NAALADL2: variants seen among roughly 807,000 people sequenced by gnomAD.
NAALADL2 encodes N-acetylated alpha-linked acidic dipeptidase like 2, also known as inactive N-acetylated-alpha-linked acidic dipeptidase-like protein 2.
Under a neutral mutation model 87.2 loss-of-function variants are expected in NAALADL2, and 76 were observed. The ratio of observed to expected loss-of-function variants is 0.87; its 90% CI spans 0.72 to 1.05. The LOEUF (loss-of-function observed/expected upper bound fraction) is 1.05. Among genes scored for constraint, NAALADL2 ranks in the 50% least tolerant of loss-of-function variants. The probability of loss-of-function intolerance (pLI) is 0.00; values close to 1 mark genes in which losing one functional copy is unlikely to be tolerated. For missense variants in NAALADL2, 1,089 were observed against 945.8 expected (o/e 1.15, Z -1.99); for synonymous variants, 354 against 331.0 (o/e 1.07, Z -0.75).
intron 3 of NAALADL2, among the ~76,000 whole-genome samples, chr3:174,809,958 C>T (rs560109257): frequency 6.6e-6 from 1 of 152,080 alleles, no homozygotes; most frequent in African/African-American, 2.4e-5. Context: ...GCACCTCCCC[C>T]CTCTCTTGGT....
chr3:175,571,873 A>G (rs574341318), intron 9 of NAALADL2, among the ~76,000 whole-genome samples: 1 of 152,306 alleles, frequency 6.6e-6, no homozygotes, highest in South Asian at 2.1e-4. Flanking sequence ...CTGACTTTTT[A>G]ACTTTGAAGC....
At chr3:175,219,990 A>G (rs1743111611) in intron 2 of NAALADL2, among the ~76,000 whole-genome samples, 1 of 151,048 alleles carries the variant, frequency 6.6e-6, no homozygotes, top group African/African-American at 2.4e-5. Flanking sequence ...TCTTTTCCAA[A>G]CTTAGGGAAA....
rs77048497 is a variant in NAALADL2, at chr3:175,500,148, G to A, written c.1653+28390G>A. Among the ~76,000 whole-genome samples, 18 of 152,028 alleles carry A rather than the reference G, an allele frequency of 1.2e-4. No homozygotes were observed. The East Asian group carries it at 2.9e-3, about 25-fold the overall frequency. On this transcript the variant is annotated intron_variant, in intron 9 of 13. Transcript: ENST00000454872. The stretch of plus-strand genomic sequence containing the variant: ...ACAAAGAGAATTATTCTACCTCCTA[G>A]AATCATTATCCTTTAGAAATAAGAT...
intron 2 of NAALADL2, among the ~76,000 whole-genome samples, chr3:175,194,612 A>G (rs561839507): frequency 6.6e-6 from 1 of 151,972 alleles, no homozygotes; most frequent in African/African-American, 2.4e-5. Flanking sequence ...TTATTGGGTC[A>G]ACTTTTATAG....
chr3:174,970,321 G>T (rs755829759), intron 1 of NAALADL2, among the ~76,000 whole-genome samples: 1 of 152,112 alleles, frequency 6.6e-6, no homozygotes, highest in Non-Finnish European at 1.5e-5. Flanking sequence ...TATGTAAATG[G>T]ATGGTTATAG....
chr3:175,147,133 C>G (rs1006892991), intron 2 of NAALADL2, among the ~76,000 whole-genome samples: 4 of 152,208 alleles, frequency 2.6e-5, no homozygotes, highest in South Asian at 2.1e-4. Flanking sequence ...GATACACATG[C>G]AGGTTTGTTA....
At chr3:175,271,720 G>T (rs1048065758) in intron 4 of NAALADL2, among the ~76,000 whole-genome samples, 4 of 152,130 alleles carry the variant, frequency 2.6e-5, no homozygotes, top group Non-Finnish European at 4.4e-5. Flanking sequence ...TGAACAAGGG[G>T]GGAGGCAGAG....
intron 4 of NAALADL2, among the ~76,000 whole-genome samples, chr3:175,311,715 CTT>C (rs1337616450): frequency 4.0e-5 from 6 of 150,668 alleles, no homozygotes; most frequent in African/African-American, 1.5e-4. Flanking sequence ...TCCCTCCCTC[CTT>C]CCTTCCTTCC....
intron 2 of NAALADL2, among the ~76,000 whole-genome samples, chr3:174,706,212 C>T (rs1428360483): frequency 6.6e-6 from 1 of 152,124 alleles, no homozygotes; most frequent in East Asian, 1.9e-4. Flanking sequence ...GAAAGAATAG[C>T]TTTTTCAAAA....
At chr3:174,837,351 G>T (rs887206572) in intron 3 of NAALADL2, among the ~76,000 whole-genome samples, 2 of 152,148 alleles carry the variant, frequency 1.3e-5, no homozygotes, top group African/African-American at 4.8e-5. Context: ...ATCGTTCAAG[G>T]CTACTGTGAA....
chr3:174,519,454 G>T (rs1212587424), intron 1 of NAALADL2, among the ~76,000 whole-genome samples: 1 of 150,876 alleles, frequency 6.6e-6, no homozygotes, highest in East Asian at 2.0e-4. Context: ...TCAGCATCAC[G>T]AATAGCTGGG....
intron 10 of NAALADL2, among the ~76,000 whole-genome samples, chr3:175,609,015 A>G (rs1398358753): frequency 1.3e-5 from 2 of 149,934 alleles, no homozygotes; most frequent in East Asian, 2.0e-4. Context: ...TTTTTTTAGT[A>G]GTAGTAATTG....
chr3:175,774,813 CATT>C (rs1749996755), intron 13 of NAALADL2: 1 of 151,926 alleles, frequency 6.6e-6, no homozygotes, highest in Non-Finnish European at 1.5e-5. Flanking sequence ...GAAAATATAA[CATT>C]AATAATTTTT....
chr3:175,013,301 A>ATTTTTTTTTT (rs753716843), intron 1 of NAALADL2, among the ~76,000 whole-genome samples: 3 of 72,064 alleles, frequency 4.2e-5, no homozygotes, highest in African/African-American at 1.8e-4. Flanking sequence ...ATATATATAT[A>ATTTTTTTTTT]TTTTTTTTTT....
chr3:175,568,737 G>A (rs1322567619), intron 9 of NAALADL2, among the ~76,000 whole-genome samples: 1 of 152,158 alleles, frequency 6.6e-6, no homozygotes, highest in African/African-American at 2.4e-5. Context: ...AGGGTTAAAA[G>A]GAAAGCAATG....
intron 11 of NAALADL2, among the ~76,000 whole-genome samples, chr3:175,656,221 G>T (rs1731442366): frequency 6.6e-6 from 1 of 152,122 alleles, no homozygotes; most frequent in African/African-American, 2.4e-5. Flanking sequence ...AGAGAGACAG[G>T]TATAGTCCCA....
chr3:175,256,333 T>G, intron 3 of NAALADL2, 78 bp from the exon 4 acceptor site: 2 of 1,325,514 alleles, frequency 1.5e-6, no homozygotes, highest in Non-Finnish European at 2.0e-6. Context: ...GATGAATAAT[T>G]TTGTTATACT....
intron 5 of NAALADL2, among the ~76,000 whole-genome samples, chr3:175,325,158 T>A (rs1186825838): frequency 1.4e-5 from 2 of 147,064 alleles, no homozygotes; most frequent in East Asian, 4.3e-4. Context: ...TTTTGTTTTT[T>A]TTTCCCCAAA....
chr3:175,562,681 A>T (rs957412073), intron 9 of NAALADL2, among the ~76,000 whole-genome samples: 1 of 152,078 alleles, frequency 6.6e-6, no homozygotes, highest in African/African-American at 2.4e-5. Context: ...TTAGGAAATT[A>T]AAAAATGCAT....
Sources: allele counts gnomAD v4.1 joint callset (sites outside exome capture counted in the v4.1 genomes callset), GRCh38; gene constraint gnomAD v4.1.1; transcripts MANE v1.5; gene names NCBI Gene and HGNC (gene_info 2026-07-23, HGNC 2026-07-21).